Variants in PALS2 observed in about 807,000 individuals in gnomAD.
The protein encoded by PALS2 is protein PALS2.
A neutral mutation model predicts 61.6 loss-of-function variants in PALS2; 27 were observed. That is an observed-to-expected ratio of 0.44 (90% CI 0.32 to 0.60). The LOEUF (loss-of-function observed/expected upper bound fraction) is 0.60. PALS2 is among the 20% of genes least tolerant of loss of function. The probability of loss-of-function intolerance (pLI) is 0.05; values close to 1 mark genes in which losing one functional copy is unlikely to be tolerated. For synonymous variants in PALS2, 236 were observed against 218.6 expected, an observed-to-expected ratio of 1.08 and a Z score of -0.70; for missense variants, 554 against 639.4, an observed-to-expected ratio of 0.87 and a Z score of 1.44.
Position 24,687,596 on chromosome 7 carries a change from A to G in PALS2, c.1605A>G (p.Pro535=). Residue 535 remains proline (P), a synonymous_variant, in exon 12 of 12, where the codon CCA becomes CCG. Transcript: ENST00000222644. This position sits in a 1 kb window ranked among gnomAD's most constrained non-coding sequence, Gnocchi z 4.5. ...TGAGAATGGAACCACAGTGGGTCCC[A>G]ATCAGCTGGGTTTACTGATGATTCA... ...EKLRMEPQWV[P]ISWVY is the part of the protein sequence containing the mutation. The G allele has an allele frequency of 6.2e-7, 1 of 1,608,260 alleles. No individual in the cohort carries two copies. Among genetic ancestry groups the G allele is most frequent in the Non-Finnish European group, 8.5e-7 (1 of 1,178,432 alleles).
intron 2 of PALS2, chr7:24,624,260 C>T: frequency 2.1e-6 from 1 of 472,590 alleles, no homozygotes. Flanking sequence ...CTGGAGTAAT[C>T]TCTTTAACTC....
intron 2 of PALS2, among the ~76,000 whole-genome samples, chr7:24,632,229 GAA>G (rs1785028499): frequency 6.6e-6 from 1 of 152,064 alleles, no homozygotes; most frequent in Non-Finnish European, 1.5e-5. Flanking sequence ...TTCTTGATCT[GAA>G]GTCTGCCCTG....
chr7:24,585,443 G>A (rs373067360), intron 1 of PALS2, among the ~76,000 whole-genome samples: 2 of 152,038 alleles, frequency 1.3e-5, no homozygotes, highest in African/African-American at 4.8e-5. Flanking sequence ...AAAAGTTATT[G>A]ATTCCAACTT....
Position 24,687,561 on chromosome 7 carries a change from A to G in PALS2, c.1570A>G (p.Ile524Val), listed in dbSNP as rs757223143. ...AGCCTTTGAAAAACTGCAAACTGCC[A>G]TAGAGAAACTGAGAATGGAACCACA... ...DKAFEKLQTA[I>V]EKLRMEPQWV... is the part of the protein sequence containing the mutation. The change falls in exon 12 of 12, where the codon ATA becomes GTA. Residue 524 changes from isoleucine (I) to valine (V), a missense_variant. By Grantham distance (29) the Ile-to-Val change is conservative (BLOSUM62 3). Coordinates refer to ENST00000222644, the MANE Select transcript of PALS2 (RefSeq NM_001303037.2). This position sits in a 1 kb window ranked among gnomAD's most constrained non-coding sequence, Gnocchi z 4.5. 7 of 1,612,800 alleles carry G rather than the reference A, an allele frequency of 4.3e-6. No homozygotes were observed. Among genetic ancestry groups the G allele is most frequent in the South Asian group, 1.1e-5 (1 of 90,740 alleles).
chr7:24,633,070 C>A (rs1785072292), intron 2 of PALS2, among the ~76,000 whole-genome samples: 1 of 152,020 alleles, frequency 6.6e-6, no homozygotes, highest in South Asian at 2.1e-4. Flanking sequence ...CTATAATAAT[C>A]AAATACATTG....
At chr7:24,577,576 C>A (rs1017834221) in intron 1 of PALS2, among the ~76,000 whole-genome samples, 8 of 152,126 alleles carry the variant, frequency 5.3e-5, no homozygotes, top group African/African-American at 1.9e-4. Flanking sequence ...CCCTCTTCCT[C>A]CACTTTTTGC....
intron 3 of PALS2, among the ~76,000 whole-genome samples, chr7:24,646,668 G>C (rs1213314275): frequency 6.6e-6 from 1 of 152,200 alleles, no homozygotes; most frequent in East Asian, 1.9e-4. Flanking sequence ...TGCCCTCATA[G>C]AATTAGTTGG....
intron 2 of PALS2, among the ~76,000 whole-genome samples, chr7:24,640,966 C>T (rs1055055418): frequency 3.5e-5 from 5 of 141,444 alleles, no homozygotes; most frequent in Non-Finnish European, 6.0e-5. Flanking sequence ...TGAGGTCGCG[C>T]CACTGCACTC....
At chr7:24,593,180 T>C (rs1042427496) in intron 1 of PALS2, among the ~76,000 whole-genome samples, 1 of 152,098 alleles carries the variant, frequency 6.6e-6, no homozygotes, top group Non-Finnish European at 1.5e-5. Flanking sequence ...AGAAACCACT[T>C]TTTTTGCCCA....
chr7:24,649,061 T>G (rs1786000894), intron 3 of PALS2, among the ~76,000 whole-genome samples: 1 of 152,196 alleles, frequency 6.6e-6, no homozygotes, highest in Non-Finnish European at 1.5e-5. Context: ...TTTTATAAAC[T>G]AAAACCTTTA....
intron 11 of PALS2, 93 bp downstream of exon 11, chr7:24,680,613 T>C (rs1409550012): frequency 1.8e-5 from 26 of 1,416,796 alleles, no homozygotes; most frequent in Non-Finnish European, 2.3e-5. Context: ...TATTTATTTT[T>C]GAGGCAGAGT....
chr7:24,659,817 G>A (rs999309918), intron 5 of PALS2, among the ~76,000 whole-genome samples: 2 of 152,136 alleles, frequency 1.3e-5, no homozygotes, highest in Non-Finnish European at 2.9e-5. Flanking sequence ...TCATACACAT[G>A]CATTGATTAA....
intron 4 of PALS2, among the ~76,000 whole-genome samples, chr7:24,650,071 G>A (rs1451124635): frequency 2.0e-5 from 3 of 152,012 alleles, no homozygotes; most frequent in Non-Finnish European, 2.9e-5. Context: ...AAGAAATACT[G>A]ACAGTATCAA....
intron 1 of PALS2, among the ~76,000 whole-genome samples, chr7:24,610,334 A>G (rs1246323457): frequency 6.6e-6 from 1 of 152,094 alleles, no homozygotes; most frequent in African/African-American, 2.4e-5. Context: ...TTACTTTATG[A>G]TGATCTTATC....
chr7:24,592,068 T>G (rs1015967298), intron 1 of PALS2, among the ~76,000 whole-genome samples: 1 of 152,148 alleles, frequency 6.6e-6, no homozygotes, highest in Non-Finnish European at 1.5e-5. Context: ...AGTGTTGCTT[T>G]CTTCCACCTC....
intron 3 of PALS2, among the ~76,000 whole-genome samples, chr7:24,644,982 A>G (rs1193358962): frequency 1.7e-5 from 2 of 118,154 alleles, no homozygotes; most frequent in East Asian, 7.1e-4. Flanking sequence ...TTGCCCACTT[A>G]AATGGGCAAA....
intron 3 of PALS2, among the ~76,000 whole-genome samples, chr7:24,645,764 C>G (rs1397183956): frequency 6.6e-6 from 1 of 152,092 alleles, no homozygotes; most frequent in East Asian, 1.9e-4. Flanking sequence ...GGATGTTTCT[C>G]CATTTGTTTG....
At chr7:24,678,634 A>G (rs1219074777) in intron 9 of PALS2, among the ~76,000 whole-genome samples, 1 of 152,186 alleles carries the variant, frequency 6.6e-6, no homozygotes, top group Non-Finnish European at 1.5e-5. Context: ...TAGATTCCTA[A>G]GGAGAAGGAG....
At position 24,576,237 on chromosome 7, in the gene PALS2, T is replaced by C. The variant is rs180918792; in HGVS notation, c.-3+2644T>C. Among the ~76,000 whole-genome samples, 92 of 152,356 alleles carry C rather than the reference T, an allele frequency of 6.0e-4. No homozygotes were observed. In the South Asian group the frequency reaches 0.014, roughly 23 times the overall value. On this transcript the variant is annotated intron_variant, in intron 1 of 11. Transcript: ENST00000222644. The stretch of plus-strand genomic sequence containing the variant: ...TTCCTGATATGGTGCTAGTATTGAA[T>C]TAAAGATTTTATTTTTTTGTTGTAG...
Sources: allele counts gnomAD v4.1 joint callset (sites outside exome capture counted in the v4.1 genomes callset), GRCh38; gene constraint gnomAD v4.1.1; non-coding constraint Gnocchi (gnomAD v3.1); transcripts MANE v1.5; gene names NCBI Gene and HGNC (gene_info 2026-07-23, HGNC 2026-07-21).